Variants in PRKCE observed in about 807,000 individuals in gnomAD.
PRKCE encodes protein kinase C epsilon type.
In PRKCE, 16 loss-of-function variants were observed where a neutral mutation model predicts 85.4. The observed-to-expected ratio is 0.19, with a 90% confidence interval of 0.13 to 0.28. The LOEUF (loss-of-function observed/expected upper bound fraction) is 0.28. PRKCE is among the 10% of genes least tolerant of loss of function. The pLI is 1.00. For missense variants in PRKCE, 573 were observed against 975.2 expected (o/e 0.59, Z 5.49); for synonymous variants, 388 against 371.5 (o/e 1.04, Z -0.51).
At chr2:46,047,756 A>T (rs1321234514) in intron 10 of PRKCE, among the ~76,000 whole-genome samples, 1 of 152,234 alleles carries the variant, frequency 6.6e-6, no homozygotes, top group Non-Finnish European at 1.5e-5. Flanking sequence ...TACATAACTC[A>T]AAAGTGAATA....
At chr2:46,013,368 C>T (rs1705848938) in intron 10 of PRKCE, among the ~76,000 whole-genome samples, 1 of 152,120 alleles carries the variant, frequency 6.6e-6, no homozygotes, top group South Asian at 2.1e-4. Flanking sequence ...ATTCCACAAG[C>T]TAAGAGGGAG....
intron 2 of PRKCE, among the ~76,000 whole-genome samples, chr2:45,844,742 G>A (rs573505811): frequency 6.6e-6 from 1 of 152,298 alleles, no homozygotes; most frequent in South Asian, 2.1e-4. Context: ...ACCAATGGGA[G>A]GCTGGGACTA....
chr2:45,728,046 G>C (rs1013782789), intron 1 of PRKCE, among the ~76,000 whole-genome samples: 1 of 152,218 alleles, frequency 6.6e-6, no homozygotes, highest in Non-Finnish European at 1.5e-5. Flanking sequence ...GGTCTCTTGA[G>C]TAAACACCAT....
At chr2:45,761,240 T>A (rs1051539716) in intron 1 of PRKCE, among the ~76,000 whole-genome samples, 1 of 138,564 alleles carries the variant, frequency 7.2e-6, no homozygotes. Flanking sequence ...GGCAGGAGAA[T>A]GGCGTGAACC....
At chr2:46,108,536 G>A (rs1671959777) in intron 11 of PRKCE, among the ~76,000 whole-genome samples, 1 of 152,196 alleles carries the variant, frequency 6.6e-6, no homozygotes, top group Admixed American at 6.5e-5. Context: ...GTGATAGGAG[G>A]CTGCTCGATG....
At chr2:45,863,763 G>T (rs1485870466) in intron 2 of PRKCE, among the ~76,000 whole-genome samples, 2 of 151,894 alleles carry the variant, frequency 1.3e-5, no homozygotes, top group African/African-American at 4.8e-5. Flanking sequence ...TTTTGCTAGG[G>T]GGAGGACAAG....
chr2:46,161,861 T>C (rs1677802808), intron 14 of PRKCE, among the ~76,000 whole-genome samples: 3 of 152,086 alleles, frequency 2.0e-5, no homozygotes, highest in African/African-American at 4.8e-5. Flanking sequence ...AACTTTTAGT[T>C]TGAGACTTTG....
chr2:46,126,512 G>T (rs141727234), intron 11 of PRKCE, among the ~76,000 whole-genome samples: 1 of 152,102 alleles, frequency 6.6e-6, no homozygotes, highest in Non-Finnish European at 1.5e-5. Context: ...AGGCATTGGC[G>T]GATGCTGTTA....
At chr2:46,101,477 A>T (rs1483212179) in intron 11 of PRKCE, among the ~76,000 whole-genome samples, 1 of 152,188 alleles carries the variant, frequency 6.6e-6, no homozygotes, top group African/African-American at 2.4e-5. Context: ...GCTCTGGTGG[A>T]GGGAGAGGGA....
At chr2:45,830,582 C>T (rs1486138736) in intron 1 of PRKCE, among the ~76,000 whole-genome samples, 1 of 152,122 alleles carries the variant, frequency 6.6e-6, no homozygotes, top group Admixed American at 6.5e-5. Flanking sequence ...AGGCCCATGA[C>T]AAAGAACAAA....
At chr2:46,085,577 C>A (rs1669525685) in intron 10 of PRKCE, among the ~76,000 whole-genome samples, 1 of 115,514 alleles carries the variant, frequency 8.7e-6, no homozygotes, top group African/African-American at 3.4e-5. Context: ...TCACTCCAAT[C>A]TCTGCCTCTG....
rs1236679590 is a variant in PRKCE, at chr2:45,651,844, G to GA, written c.-256dup. On this transcript the variant is annotated 5_prime_UTR_variant, in exon 1 of 15. Coordinates refer to ENST00000306156, the MANE Select transcript of PRKCE (RefSeq NM_005400.3). ...TGGAGGTGCAGCTGGTGGTCGGGGGGAGAGACTTGCTCCAAACACGGACAT... is the reference window on the plus strand; with the variant it reads ...TGGAGGTGCAGCTGGTGGTCGGGGGGAAGAGACTTGCTCCAAACACGGACAT... The GA allele has an allele frequency of 5.3e-6, 2 of 376,430 alleles. No individual in the cohort carries two copies. Among genetic ancestry groups the GA allele is most frequent in the Non-Finnish European group, 9.6e-6 (2 of 208,448 alleles). The allele number at this position is 376,430 out of a possible 1,614,324, so 23.3% of individuals were successfully genotyped here.
At chr2:45,748,530 T>C (rs1156851564) in intron 1 of PRKCE, among the ~76,000 whole-genome samples, 1 of 152,242 alleles carries the variant, frequency 6.6e-6, no homozygotes, top group Admixed American at 6.5e-5. Context: ...AATGTGATCC[T>C]TCTGCACGTT....
At chr2:46,016,640 G>A (rs1038285670) in intron 10 of PRKCE, among the ~76,000 whole-genome samples, 35 of 152,276 alleles carry the variant, frequency 2.3e-4, no homozygotes, top group African/African-American at 7.7e-4. Flanking sequence ...TAGGTGCAGT[G>A]GCTCATGCCT....
chr2:46,088,707 C>T (rs150449227), intron 11 of PRKCE, among the ~76,000 whole-genome samples: 6 of 152,276 alleles, frequency 3.9e-5, no homozygotes, highest in South Asian at 4.1e-4. Context: ...ATACAATGCA[C>T]GTACTTCAAG....
rs531962606 is a variant in PRKCE at position 46,145,544 on chromosome 2, G to A, written c.1731+313G>A. Among the ~76,000 whole-genome samples, 2 of 152,282 alleles carry A rather than the reference G, an allele frequency of 1.3e-5. No homozygotes were observed. Among genetic ancestry groups the A allele is most frequent in the South Asian group, 2.1e-4 (1 of 4,820 alleles). On this transcript the variant is annotated intron_variant, in intron 12 of 14. Transcript: ENST00000306156. The surrounding 1 kb of genome is among the most constrained non-coding windows in gnomAD (Gnocchi z 4.6). ...ATAAATCTAGGACCAAGAAAAACGT[G>A]TTGACTTTTATTATTGTTTTCATGT... is the stretch of plus-strand genomic sequence containing the variant.
intron 4 of PRKCE, among the ~76,000 whole-genome samples, chr2:45,979,754 A>G (rs1702735444): frequency 1.3e-5 from 2 of 152,154 alleles, no homozygotes; most frequent in African/African-American, 4.8e-5. Flanking sequence ...TACTGCCCAC[A>G]TTGCTCCATG....
chr2:46,084,606 C>T (rs576162001), intron 10 of PRKCE, among the ~76,000 whole-genome samples: 1 of 151,874 alleles, frequency 6.6e-6, no homozygotes, highest in East Asian at 1.9e-4. Flanking sequence ...TCTGTAATCC[C>T]AGCTACTCAG....
chr2:46,002,862 A>G (rs1282642080), intron 7 of PRKCE, among the ~76,000 whole-genome samples: 2 of 152,226 alleles, frequency 1.3e-5, no homozygotes, highest in Non-Finnish European at 2.9e-5. Flanking sequence ...TTCAGGAGAC[A>G]TGGTTTTTAT....
Sources: gnomAD v4.1 joint callset for allele counts (sites outside exome capture counted in the v4.1 genomes callset) on GRCh38, gnomAD v4.1.1 for gene constraint, Gnocchi (gnomAD v3.1) non-coding constraint, MANE v1.5 for transcripts, NCBI Gene and HGNC (gene_info 2026-07-23, HGNC 2026-07-21) for gene names.